RASAL2: variants seen among roughly 807,000 people sequenced by gnomAD.
RASAL2 encodes RAS protein activator like 2.
A neutral mutation model predicts 128.9 loss-of-function variants in RASAL2; 58 were observed. That is an observed-to-expected ratio of 0.45 (90% confidence interval 0.36 to 0.56). The LOEUF (loss-of-function observed/expected upper bound fraction) is 0.56. Among genes scored for constraint, RASAL2 ranks in the 20% least tolerant of loss-of-function variants. RASAL2 has a pLI of 0.00. For missense variants in RASAL2, 1,360 were observed against 1,601.6 expected (o/e 0.85, Z 2.57); for synonymous variants, 561 against 580.8 (o/e 0.97, Z 0.49).
chr1:178,373,623 G>C (rs558667309), intron 3 of RASAL2, among the ~76,000 whole-genome samples: 1 of 151,974 alleles, frequency 6.6e-6, no homozygotes, highest in East Asian at 1.9e-4. Context: ...CTGTGCTCTG[G>C]CATACCTTTA....
At chr1:178,442,005 G>A (rs12064118) in intron 7 of RASAL2, among the ~76,000 whole-genome samples, 5,805 of 151,984 alleles carry the variant, frequency 0.038, 366 homozygotes, top group African/African-American at 0.13. Flanking sequence ...GAGAGAGAGA[G>A]TGTGTGTGTG....
chr1:178,390,472 G>A (rs1470935568), intron 4 of RASAL2, among the ~76,000 whole-genome samples: 4 of 152,156 alleles, frequency 2.6e-5, no homozygotes, highest in East Asian at 1.9e-4. Flanking sequence ...TCCCCCTCCC[G>A]AGTTTAGGCG....
chr1:178,182,132 A>G (rs1350374172), intron 1 of RASAL2, among the ~76,000 whole-genome samples: 2 of 152,166 alleles, frequency 1.3e-5, no homozygotes, highest in Non-Finnish European at 2.9e-5. Context: ...ATTTATTTAT[A>G]TCACTAGACT....
chr1:178,235,470 G>GT (rs1664189906), intron 1 of RASAL2, among the ~76,000 whole-genome samples: 1 of 152,114 alleles, frequency 6.6e-6, no homozygotes, highest in Non-Finnish European at 1.5e-5. Flanking sequence ...CACATACAGA[G>GT]TTTAAGTTTA....
At chr1:178,278,044 A>G (rs1323807982) in intron 1 of RASAL2, among the ~76,000 whole-genome samples, 1 of 152,190 alleles carries the variant, frequency 6.6e-6, no homozygotes, top group Non-Finnish European at 1.5e-5. Flanking sequence ...TTGGAGCAAA[A>G]GTTTAATAAG....
At chr1:178,145,045 G>A (rs1277971130) in intron 1 of RASAL2, among the ~76,000 whole-genome samples, 1 of 152,116 alleles carries the variant, frequency 6.6e-6, no homozygotes, top group African/African-American at 2.4e-5. Context: ...ATAAATGAAT[G>A]CTGTTGTTTT....
chr1:178,464,937 G>GT (rs938361732), intron 15 of RASAL2, among the ~76,000 whole-genome samples: 1 of 118,064 alleles, frequency 8.5e-6, no homozygotes, highest in African/African-American at 3.1e-5. Flanking sequence ...TTGTTTTTTT[G>GT]TTTTTTAAGG....
Position 178,277,014 on chromosome 1 carries a change from G to T in RASAL2, c.203-6550G>T, listed in dbSNP as rs535739959. ...ATAGAAAAAATTAGCCAGGTGTGGT[G>T]GCGGTCGCCTGTAGTCTCAGCTACT... is the stretch of plus-strand genomic sequence containing the variant. On this transcript the variant is annotated intron_variant, in intron 1 of 17. Coordinates refer to ENST00000367649, the MANE Select transcript of RASAL2 (RefSeq NM_170692.4). Among the ~76,000 whole-genome samples, 12 of 151,734 alleles carry T rather than the reference G, an allele frequency of 7.9e-5. No homozygotes were observed. In the East Asian group the frequency reaches 1.2e-3, roughly 15 times the overall value.
chr1:178,138,905 A>C (rs1660432413), intron 1 of RASAL2, among the ~76,000 whole-genome samples: 1 of 152,148 alleles, frequency 6.6e-6, no homozygotes, highest in South Asian at 2.1e-4. Flanking sequence ...TATTAGAAAT[A>C]TAACAGTGAT....
At chr1:178,303,645 A>G (rs1557888580) in intron 3 of RASAL2, among the ~76,000 whole-genome samples, 1 of 152,116 alleles carries the variant, frequency 6.6e-6, no homozygotes, top group African/African-American at 2.4e-5. Flanking sequence ...ATTGGACTAT[A>G]TTAAGATTAA....
At chr1:178,231,481 G>A (rs1436928582) in intron 1 of RASAL2, among the ~76,000 whole-genome samples, 1 of 152,040 alleles carries the variant, frequency 6.6e-6, no homozygotes, top group Non-Finnish European at 1.5e-5. Context: ...CTCATTTTGT[G>A]GCTTGCATGT....
chr1:178,356,245 T>C (rs1300994964), intron 3 of RASAL2, among the ~76,000 whole-genome samples: 1 of 150,738 alleles, frequency 6.6e-6, no homozygotes, highest in Non-Finnish European at 1.5e-5. Context: ...AATCAGATGA[T>C]ACTAAAGTTG....
chr1:178,300,690 A>G (rs956891385), intron 3 of RASAL2, among the ~76,000 whole-genome samples: 2 of 152,202 alleles, frequency 1.3e-5, no homozygotes. Context: ...ATTGTTATAT[A>G]CTAAAGGAGT....
At chr1:178,237,333 GGAGTTTAGCAGCA>G (rs1279945407) in intron 1 of RASAL2, among the ~76,000 whole-genome samples, 2 of 152,102 alleles carry the variant, frequency 1.3e-5, no homozygotes, top group Non-Finnish European at 2.9e-5. Context: ...TAAAGGGGCA[GGAGTTTAGCAGCA>G]GAGGTTAGTT....
intron 3 of RASAL2, among the ~76,000 whole-genome samples, chr1:178,382,668 C>T (rs927247494): frequency 1.8e-4 from 27 of 152,238 alleles, no homozygotes; most frequent in African/African-American, 6.3e-4. Flanking sequence ...AAAGATGTAA[C>T]TTATGTAAAA....
chr1:178,462,778 T>C (rs1235109015), intron 14 of RASAL2, among the ~76,000 whole-genome samples: 1 of 152,206 alleles, frequency 6.6e-6, no homozygotes, highest in Admixed American at 6.5e-5. Context: ...TAGAAATTTC[T>C]AGAAGTTCAT....
chr1:178,300,278 C>T (rs1454809420), intron 3 of RASAL2, among the ~76,000 whole-genome samples, 160 bp downstream of exon 3: 1 of 152,196 alleles, frequency 6.6e-6, no homozygotes, highest in Non-Finnish European at 1.5e-5. Context: ...GAGTTCTGTT[C>T]TTTATAACCA....
chr1:178,389,008 GA>G (rs1361794829), intron 3 of RASAL2, among the ~76,000 whole-genome samples: 2 of 152,098 alleles, frequency 1.3e-5, no homozygotes, highest in Non-Finnish European at 2.9e-5. Context: ...GAGAGGGAGC[GA>G]GAGAAAAAAC....
chr1:178,442,989 G>C lies in RASAL2; in HGVS notation c.1242G>C (p.Trp414Cys). 1.2e-6 allele frequency: 2 copies of C among 1,614,034 alleles called. No individual in the cohort carries two copies. The highest frequency in any genetic ancestry group is 1.7e-6 in the Non-Finnish European group (2 of 1,179,966). Residue 414 changes from tryptophan (W) to cysteine (C), a missense_variant, in exon 8 of 18, where the codon TGG (tryptophan) becomes TGC (cysteine). Trp to Cys is a radical substitution (Grantham distance 215, BLOSUM62 -2). Coordinates refer to ENST00000367649, the MANE Select transcript of RASAL2 (RefSeq NM_170692.4). ...SVTGRQFVEK[W>C]YPVSTPTPNK... Reference sequence around the variant, plus strand: ...CTGGTCGCCAATTTGTAGAAAAGTGGTATCCAGTGAGTACACCTACACCCA... The same window carrying C: ...CTGGTCGCCAATTTGTAGAAAAGTGCTATCCAGTGAGTACACCTACACCCA...
Sources: gnomAD v4.1 joint callset for allele counts (sites outside exome capture counted in the v4.1 genomes callset) on GRCh38, gnomAD v4.1.1 for gene constraint, MANE v1.5 for transcripts, NCBI Gene and HGNC (gene_info 2026-07-23, HGNC 2026-07-21) for gene names.